Variants in RGSL1 observed in about 807,000 individuals in gnomAD.
RGSL1 encodes the protein regulator of G protein signaling protein-like.
In RGSL1, 97 loss-of-function variants were observed where a neutral mutation model predicts 124.7. That is an observed-to-expected ratio of 0.78 (90% CI 0.66 to 0.92). RGSL1 has a LOEUF of 0.92. Among genes scored for constraint, RGSL1 ranks in the 40% least tolerant of loss-of-function variants. The probability of loss-of-function intolerance (pLI) is 0.00; values close to 1 mark genes in which losing one functional copy is unlikely to be tolerated. For missense variants in RGSL1, 1,233 were observed against 1,288.4 expected, an observed-to-expected ratio of 0.96 and a Z score of 0.66; for synonymous variants, 424 against 438.1, an observed-to-expected ratio of 0.97 and a Z score of 0.40.
chr1:182,450,380 G>GT, intron 1 of RGSL1: 1 of 638,066 alleles, frequency 1.6e-6, no homozygotes, highest in East Asian at 2.7e-5. Context: ...GGATAGTACA[G>GT]GGCCTTATTC....
At chr1:182,500,221 TTTGTGG>T (rs1454302709) in intron 9 of RGSL1, among the ~76,000 whole-genome samples, 3 of 152,208 alleles carry the variant, frequency 2.0e-5, no homozygotes, top group African/African-American at 7.2e-5. Flanking sequence ...ACTTCATTCT[TTTGTGG>T]TTGAATAGCC....
chr1:182,495,173 C>T (rs1002767033), intron 9 of RGSL1, among the ~76,000 whole-genome samples: 10 of 152,166 alleles, frequency 6.6e-5, no homozygotes, highest in Non-Finnish European at 1.5e-5. Flanking sequence ...CTGTTGCCAG[C>T]AACTTGAGTG....
Position 182,548,467 on chromosome 1 carries a change from T to C in RGSL1, c.2808+12T>C. On this transcript the variant is annotated intron_variant, in intron 16 of 21. Transcript: ENST00000294854. The stretch of plus-strand genomic sequence containing the variant: ...CTCCAAAGCTGAGGGTAAGAAAGAC[T>C]CCCACTCCACTCTGGCCTTTCACCA... 1.9e-6 allele frequency: 3 copies of C among 1,551,372 alleles called. No individual in the cohort carries two copies. The highest frequency in any genetic ancestry group is 2.6e-6 in the Non-Finnish European group (3 of 1,146,876).
At chr1:182,519,952 A>G (rs937847308) in intron 9 of RGSL1, among the ~76,000 whole-genome samples, 2 of 152,198 alleles carry the variant, frequency 1.3e-5, no homozygotes, top group African/African-American at 4.8e-5. Context: ...CCTTTGTCTT[A>G]TAATTACTTG....
rs1658385451 is a variant in RGSL1 at position 182,522,063 on chromosome 1, T to C, written c.1885T>C (p.Ser629Pro). 1.9e-6 allele frequency: 3 copies of C among 1,549,992 alleles called. No individual in the cohort carries two copies. Among genetic ancestry groups the C allele is most frequent in the Non-Finnish European group, 2.6e-6 (3 of 1,146,504 alleles). ...AGTTTCACGCTCAAATAGGAAAATGTCCTTGCTCAAAAGAACTCTTGTAAG... is the reference window on the plus strand; with the variant it reads ...AGTTTCACGCTCAAATAGGAAAATGCCCTTGCTCAAAAGAACTCTTGTAAG... ...KTVSRSNRKM[S>P]LLKRTLVRKP... Residue 629 changes from serine (S) to proline (P), a missense_variant, in exon 10 of 22, where the codon TCC (serine) becomes CCC (proline). Physicochemically the swap from Ser to Pro is moderately conservative, Grantham distance 74. Coordinates refer to ENST00000294854, the MANE Select transcript of RGSL1 (RefSeq NM_001137669.2).
At chr1:182,543,340 A>G (rs1174929767) in intron 15 of RGSL1, among the ~76,000 whole-genome samples, 4 of 152,006 alleles carry the variant, frequency 2.6e-5, no homozygotes, top group Admixed American at 2.6e-4. Context: ...TGTTAATGTG[A>G]TATATCATGT....
At position 182,458,347 on chromosome 1, in the gene RGSL1, T is replaced by C; in HGVS notation, c.125T>C (p.Val42Ala). 2 of 1,552,190 alleles carry C rather than the reference T, an allele frequency of 1.3e-6. No homozygotes were observed. Among genetic ancestry groups the C allele is most frequent in the African/African-American group, 1.4e-5 (1 of 73,190 alleles). The change falls in exon 3 of 22, where the codon GTT becomes GCT. Residue 42 changes from valine (V) to alanine (A), a missense_variant. Coordinates refer to ENST00000294854, the MANE Select transcript of RGSL1 (RefSeq NM_001137669.2). ...TTTGGTCAGACACCATTTTATACTG[T>C]TGAAAATTCACAGTGGAGCTTGTGG... is the stretch of plus-strand genomic sequence containing the variant. ...PVFGQTPFYTVENSQWSLWPE... is the reference protein window; with the variant it reads ...PVFGQTPFYTAENSQWSLWPE...
intron 11 of RGSL1, 37 bp from the exon 12 acceptor site, chr1:182,530,207 G>A: frequency 7.0e-7 from 1 of 1,433,756 alleles, no homozygotes; most frequent in East Asian, 2.5e-5. Flanking sequence ...AATGGTAGAT[G>A]AGGATTACAG....
intron 11 of RGSL1, 21 bp from the exon 12 acceptor site, chr1:182,530,223 T>C: frequency 6.5e-7 from 1 of 1,528,310 alleles, no homozygotes; most frequent in Non-Finnish European, 8.8e-7. Flanking sequence ...TACAGCTTCT[T>C]TTCTCTCTTG....
intron 9 of RGSL1, among the ~76,000 whole-genome samples, chr1:182,505,234 T>C (rs1656725399): frequency 1.3e-5 from 2 of 152,158 alleles, no homozygotes; most frequent in African/African-American, 4.8e-5. Flanking sequence ...CTTGTGTCAG[T>C]TGTTCAGGGA....
At chr1:182,527,981 G>C (rs745348782) in intron 11 of RGSL1, among the ~76,000 whole-genome samples, 1 of 152,124 alleles carries the variant, frequency 6.6e-6, no homozygotes. Flanking sequence ...GTATTAATCC[G>C]TTCTCACACT....
In RGSL1 at chr1:182,493,312, A is replaced by T. The variant is rs981216588; in HGVS notation, c.1825+183A>T. On this transcript the variant is annotated intron_variant, in intron 9 of 21. Coordinates refer to ENST00000294854, the MANE Select transcript of RGSL1 (RefSeq NM_001137669.2). Reference sequence around the variant, plus strand: ...TTCTCCTACGAAACCACAGAAGAGCATCATGAAAATAAGATGTAATCATAA... The same window carrying T: ...TTCTCCTACGAAACCACAGAAGAGCTTCATGAAAATAAGATGTAATCATAA... Among the ~76,000 whole-genome samples the T allele has an allele frequency of 5.3e-5, 8 of 152,366 alleles. 1 individual carries two copies. The highest frequency in any genetic ancestry group is 1.9e-4 in the East Asian group (1 of 5,188).
chr1:182,466,129 A>T (rs899475285), intron 4 of RGSL1, among the ~76,000 whole-genome samples: 2 of 152,180 alleles, frequency 1.3e-5, no homozygotes, highest in Non-Finnish European at 2.9e-5. Flanking sequence ...TCATGAAAAA[A>T]AAATGTCCAA....
rs1308422011 is a variant in RGSL1, at chr1:182,520,599, C to T, written c.1826-1405C>T. Among the ~76,000 whole-genome samples, 5 of 151,912 alleles carry T rather than the reference C, an allele frequency of 3.3e-5. No homozygotes were observed. The East Asian group carries it at 9.6e-4, about 29-fold the overall frequency. On this transcript the variant is annotated intron_variant, in intron 9 of 21. Coordinates refer to ENST00000294854, the MANE Select transcript of RGSL1 (RefSeq NM_001137669.2). The stretch of plus-strand genomic sequence containing the variant: ...TCTAACCTCTATATATTGATTTTGT[C>T]TTAATTTTTTATAAATTTACTTTCA...
chr1:182,452,964 CTGAG>C (rs1157008832), intron 1 of RGSL1, among the ~76,000 whole-genome samples: 1 of 152,134 alleles, frequency 6.6e-6, no homozygotes, highest in Admixed American at 6.6e-5. Flanking sequence ...TTGGGTATGA[CTGAG>C]TGATGGTGGG....
rs1260619053 is a variant in RGSL1 at position 182,505,739 on chromosome 1, C to T, written c.1825+12610C>T. Among the ~76,000 whole-genome samples the T allele has an allele frequency of 2.6e-5, 4 of 151,826 alleles. No homozygotes were observed. The East Asian group carries it at 7.7e-4, about 29-fold the overall frequency. On this transcript the variant is annotated intron_variant, in intron 9 of 21. Transcript: ENST00000294854. ...CTCTCCATTATATTTATTTCTAGAC[C>T]TTTGATGTTTTCTGATGCACTTATG...
rs760881889 is a variant in RGSL1, at chr1:182,548,328, T to C, written c.2681T>C (p.Leu894Pro). Reference sequence around the variant, plus strand: ...CATTTCTTTTTTAGATTTAATGATCTGGTCAGTTCAGCCCACATGCTGCAG... The same window carrying C: ...CATTTCTTTTTTAGATTTAATGATCCGGTCAGTTCAGCCCACATGCTGCAG... ...FFSEMEKFND[L>P]VSSAHMLQVN... is the part of the protein sequence containing the mutation. Residue 894 changes from leucine to proline, a missense_variant, in exon 16 of 22, where the codon CTG becomes CCG. Coordinates refer to ENST00000294854, the MANE Select transcript of RGSL1 (RefSeq NM_001137669.2). 1 of 1,552,076 alleles carries C rather than the reference T, an allele frequency of 6.4e-7. No homozygotes were observed. Among genetic ancestry groups the C allele is most frequent in the Non-Finnish European group, 8.7e-7 (1 of 1,147,078 alleles).
intron 4 of RGSL1, among the ~76,000 whole-genome samples, chr1:182,462,539 G>A (rs1297378250): frequency 2.0e-5 from 3 of 152,082 alleles, no homozygotes; most frequent in Non-Finnish European, 4.4e-5. Context: ...ATTAATATAT[G>A]TTTTAAAAGA....
intron 6 of RGSL1, among the ~76,000 whole-genome samples, chr1:182,480,969 T>C (rs1654662032): frequency 6.6e-6 from 1 of 152,086 alleles, no homozygotes; most frequent in Admixed American, 6.5e-5. Flanking sequence ...AGTACTAAGA[T>C]GGATGTTTAT....
Sources: gnomAD v4.1 joint callset for allele counts (sites outside exome capture counted in the v4.1 genomes callset) on GRCh38, gnomAD v4.1.1 for gene constraint, MANE v1.5 for transcripts, NCBI Gene and HGNC (gene_info 2026-07-23, HGNC 2026-07-21) for gene names.